The following PTPRR variants were observed in gnomAD, a reference collection of about 807,000 sequenced individuals.
The protein encoded by PTPRR is receptor-type tyrosine-protein phosphatase R.
Under a neutral mutation model 77.2 loss-of-function variants are expected in PTPRR, and 38 were observed. The observed-to-expected ratio is 0.49, with a 90% CI of 0.38 to 0.65. The LOEUF is 0.65. PTPRR is among the 30% of genes least tolerant of loss of function. The pLI is 0.00. For synonymous variants in PTPRR, 299 were observed against 283.1 expected (o/e 1.06, Z -0.57); for missense variants, 744 against 799.2 (o/e 0.93, Z 0.83).
At chr12:70,781,979 A>G (rs551353523) in intron 2 of PTPRR, among the ~76,000 whole-genome samples, 2 of 152,188 alleles carry the variant, frequency 1.3e-5, no homozygotes, top group African/African-American at 4.8e-5. Flanking sequence ...TGAGTTTTTC[A>G]TATCCTTGCT....
chr12:70,645,802 G>A (rs1468905118), intron 13 of PTPRR, among the ~76,000 whole-genome samples: 1 of 151,224 alleles, frequency 6.6e-6, no homozygotes, highest in East Asian at 1.9e-4. Context: ...TGTGTCAGCT[G>A]GGGGTAAACT....
intron 2 of PTPRR, among the ~76,000 whole-genome samples, chr12:70,802,484 G>A (rs549075889): frequency 5.9e-5 from 9 of 152,232 alleles, no homozygotes; most frequent in African/African-American, 1.9e-4. Context: ...GCAATGACAG[G>A]GCAGTGATTT....
intron 6 of PTPRR, among the ~76,000 whole-genome samples, chr12:70,722,337 A>G (rs756155325): frequency 7.9e-5 from 12 of 152,210 alleles, no homozygotes; most frequent in Non-Finnish European, 1.5e-4. Context: ...TCATCTTCCT[A>G]TATAGAGATA....
chr12:70,883,548 T>G (rs1893184826), intron 2 of PTPRR, among the ~76,000 whole-genome samples: 1 of 152,210 alleles, frequency 6.6e-6, no homozygotes, highest in Non-Finnish European at 1.5e-5. Context: ...GCAGATAATT[T>G]CTTTCTTTTT....
intron 5 of PTPRR, among the ~76,000 whole-genome samples, chr12:70,746,682 A>T (rs897661046): frequency 6.6e-6 from 1 of 152,002 alleles, no homozygotes; most frequent in Non-Finnish European, 1.5e-5. Flanking sequence ...TGCCCTCTTA[A>T]ATTTTAATAT....
intron 3 of PTPRR, among the ~76,000 whole-genome samples, chr12:70,763,136 C>CA (rs1555173752): frequency 2.0e-5 from 3 of 149,758 alleles, no homozygotes; most frequent in Non-Finnish European, 4.5e-5. Flanking sequence ...GACTTTTTTT[C>CA]TTTTTTTTTG....
At chr12:70,821,543 C>T (rs1892013121) in intron 2 of PTPRR, among the ~76,000 whole-genome samples, 1 of 150,606 alleles carries the variant, frequency 6.6e-6, no homozygotes, top group Non-Finnish European at 1.5e-5. Flanking sequence ...TCTTTTATTG[C>T]CTTGACCTCA....
intron 2 of PTPRR, among the ~76,000 whole-genome samples, chr12:70,870,960 G>A (rs12306244): frequency 0.055 from 8,330 of 152,234 alleles, 527 homozygotes; most frequent in African/African-American, 0.15. Context: ...ACATTTTAGA[G>A]TAGACTAAAA....
intron 2 of PTPRR, among the ~76,000 whole-genome samples, chr12:70,859,396 C>T (rs1249780471): frequency 6.6e-6 from 1 of 152,012 alleles, no homozygotes; most frequent in African/African-American, 2.4e-5. Flanking sequence ...TTGACAACTA[C>T]TGACATAGAG....
chr12:70,907,924 G>C (rs1893645930), intron 1 of PTPRR, among the ~76,000 whole-genome samples: 1 of 152,188 alleles, frequency 6.6e-6, no homozygotes. Flanking sequence ...TGGCTAGAAA[G>C]CTAAGACTGC....
chr12:70,731,056 G>C (rs1007902565), intron 6 of PTPRR, among the ~76,000 whole-genome samples: 1 of 145,388 alleles, frequency 6.9e-6, no homozygotes, highest in Non-Finnish European at 1.5e-5. Context: ...GAGACAGAGA[G>C]GAAGGAAGGA....
rs528307121 is a variant in PTPRR, at chr12:70,919,709, A to G, written c.58+624T>C. Among the ~76,000 whole-genome samples, 149 of 113,076 alleles carry G rather than the reference A, an allele frequency of 1.3e-3. 1 individual carries two copies. Among genetic ancestry groups the G allele is most frequent in the African/African-American group, 4.2e-3 (142 of 33,890 alleles). The allele number at this position is 113,076 out of a possible 152,430, so 74.2% of individuals were successfully genotyped here. ...TTTTTTTTTTTTTTTTTTTTTTAAT[A>G]TGCCAGCGGACGCTAGCCACGGTGC... On this transcript the variant is annotated intron_variant, in intron 1 of 13. Transcript: ENST00000283228.
At chr12:70,681,970 C>T (rs905150761) in intron 10 of PTPRR, among the ~76,000 whole-genome samples, 2 of 151,172 alleles carry the variant, frequency 1.3e-5, no homozygotes, top group African/African-American at 4.9e-5. Context: ...CATAAGAAGG[C>T]CAGACTTAGG....
chr12:70,717,621 C>T (rs1889081851), intron 6 of PTPRR, among the ~76,000 whole-genome samples: 1 of 152,160 alleles, frequency 6.6e-6, no homozygotes, highest in Non-Finnish European at 1.5e-5. Context: ...TGCAGCACAT[C>T]CTGACAAAGT....
chr12:70,822,923 T>C (rs1427356815), intron 2 of PTPRR, among the ~76,000 whole-genome samples: 1 of 152,028 alleles, frequency 6.6e-6, no homozygotes, highest in Non-Finnish European at 1.5e-5. Flanking sequence ...TTTTTTTGGG[T>C]GTGCATTTCT....
intron 3 of PTPRR, 62 bp downstream of exon 3, chr12:70,764,603 A>G: frequency 7.5e-7 from 1 of 1,327,614 alleles, no homozygotes; most frequent in Non-Finnish European, 1.1e-6. Flanking sequence ...TGAGCCCTTT[A>G]GTGATTAAAA....
chr12:70,742,618 T>A (rs1890085000), intron 6 of PTPRR, among the ~76,000 whole-genome samples: 1 of 152,194 alleles, frequency 6.6e-6, no homozygotes, highest in African/African-American at 2.4e-5. Flanking sequence ...GTGGAAACAC[T>A]GAGGAATTTT....
chr12:70,736,463 T>C (rs1255137326), intron 6 of PTPRR, among the ~76,000 whole-genome samples: 1 of 152,146 alleles, frequency 6.6e-6, no homozygotes, highest in African/African-American at 2.4e-5. Flanking sequence ...AATTTATTAT[T>C]AATTAGGAGT....
At chr12:70,887,765 TAGG>T (rs1893265946) in intron 2 of PTPRR, among the ~76,000 whole-genome samples, 2 of 151,882 alleles carry the variant, frequency 1.3e-5, no homozygotes, top group South Asian at 4.2e-4. Context: ...GGTGGAGTGG[TAGG>T]AGATGGACTC....
Sources: gnomAD v4.1 joint callset for allele counts (sites outside exome capture counted in the v4.1 genomes callset) on GRCh38, gnomAD v4.1.1 for gene constraint, MANE v1.5 for transcripts, NCBI Gene and HGNC (gene_info 2026-07-23, HGNC 2026-07-21) for gene names.